CNTNAP4: variants seen among roughly 807,000 people sequenced by gnomAD.
CNTNAP4 encodes the protein contactin-associated protein-like 4.
In CNTNAP4, 98 loss-of-function variants were observed where a neutral mutation model predicts 148.4. The ratio of observed to expected loss-of-function variants is 0.66; its 90% CI spans 0.56 to 0.78. The LOEUF (loss-of-function observed/expected upper bound fraction) is 0.78. CNTNAP4 is among the 30% of genes least tolerant of loss of function. The pLI is 0.00. For missense variants in CNTNAP4, 1,935 were observed against 1,565.6 expected, an observed-to-expected ratio of 1.24 and a Z score of -3.98; for synonymous variants, 730 against 565.1, an observed-to-expected ratio of 1.29 and a Z score of -4.14.
intron 8 of CNTNAP4, among the ~76,000 whole-genome samples, chr16:76,459,244 T>C (rs8058474): frequency 0.43 from 65,068 of 151,994 alleles, 13,999 homozygotes; most frequent in Middle Eastern, 0.49. Context: ...AAGGAAGCAC[T>C]GGATGACAAA....
At chr16:76,434,756 A>C (rs77111717) in intron 4 of CNTNAP4, among the ~76,000 whole-genome samples, 3,848 of 152,286 alleles carry the variant, frequency 0.025, 152 homozygotes, top group African/African-American at 0.089. Flanking sequence ...CCAGCCAGGA[A>C]GCCAATGTGG....
chr16:76,449,041 T>A, intron 6 of CNTNAP4, 90 bp downstream of exon 6: 14 of 1,212,270 alleles, frequency 1.2e-5, no homozygotes, highest in Non-Finnish European at 1.6e-5. Flanking sequence ...AGAGCCCACC[T>A]TTTCAGTAAA....
intron 15 of CNTNAP4, among the ~76,000 whole-genome samples, chr16:76,512,486 C>G (rs2083067172): frequency 1.3e-5 from 2 of 152,046 alleles, no homozygotes; most frequent in Non-Finnish European, 1.5e-5. Context: ...AAAAATAACA[C>G]CAAGGTGTTT....
chr16:76,414,473 C>G (rs7499253), intron 3 of CNTNAP4, among the ~76,000 whole-genome samples: 15 of 150,704 alleles, frequency 1.0e-4, no homozygotes, highest in African/African-American at 3.2e-4. Flanking sequence ...TGGGTAAGAT[C>G]GACTTTTATT....
intron 21 of CNTNAP4, among the ~76,000 whole-genome samples, chr16:76,547,918 C>G (rs191243002): frequency 1.3e-5 from 2 of 152,186 alleles, no homozygotes; most frequent in East Asian, 3.9e-4. Context: ...GCTTCGAAGC[C>G]AAAGGGGTAA....
At chr16:76,546,744 GT>G (rs2084753137) in intron 21 of CNTNAP4, among the ~76,000 whole-genome samples, 1 of 152,178 alleles carries the variant, frequency 6.6e-6, no homozygotes, top group Non-Finnish European at 1.5e-5. Context: ...TGCCAAAAAG[GT>G]TGGGGACCAC....
intron 12 of CNTNAP4, among the ~76,000 whole-genome samples, chr16:76,483,766 C>A (rs1318578803): frequency 1.3e-5 from 2 of 152,130 alleles, no homozygotes; most frequent in Non-Finnish European, 2.9e-5. Flanking sequence ...TTGTTCAGCT[C>A]TAACGGGGTA....
At chr16:76,309,685 G>A (rs1960878909) in intron 1 of CNTNAP4, among the ~76,000 whole-genome samples, 1 of 152,194 alleles carries the variant, frequency 6.6e-6, no homozygotes, top group South Asian at 2.1e-4. Context: ...AACTTGAATT[G>A]TATCTCCCAG....
chr16:76,518,264 G>C (rs1276737307), intron 15 of CNTNAP4, among the ~76,000 whole-genome samples: 1 of 151,972 alleles, frequency 6.6e-6, no homozygotes, highest in East Asian at 1.9e-4. Context: ...AGTAGTGGGG[G>C]TTACAGGCAT....
chr16:76,460,417 C>G (rs2080896414), intron 8 of CNTNAP4, among the ~76,000 whole-genome samples: 1 of 150,920 alleles, frequency 6.6e-6, no homozygotes, highest in Non-Finnish European at 1.5e-5. Flanking sequence ...CCAAAAACTA[C>G]TATTTCTATG....
intron 3 of CNTNAP4, among the ~76,000 whole-genome samples, chr16:76,364,283 T>C (rs1360438789): frequency 5.0e-5 from 7 of 140,518 alleles, no homozygotes; most frequent in African/African-American, 7.8e-5. Context: ...ATATATGAAC[T>C]CTTATGAGCT....
chr16:76,476,078 T>C lies in CNTNAP4; in HGVS notation c.1762+33T>C, dbSNP rs536536763. ...GAACACATCTGCTTTTTCTTGCCCC[T>C]GTGATGGTTTCTTTGTCCCATTTCC... On this transcript the variant is annotated intron_variant, in intron 11 of 23. Coordinates refer to ENST00000611870, the MANE Select transcript of CNTNAP4 (RefSeq NM_033401.5). 30 of 1,447,948 alleles carry C rather than the reference T, an allele frequency of 2.1e-5. No homozygotes were observed. The South Asian group carries it at 3.3e-4, about 16-fold the overall frequency. The allele number at this position is 1,447,948 out of a possible 1,614,324, so 89.7% of individuals were successfully genotyped here. A position where few individuals can be genotyped will look rare whatever the true frequency, so the allele number is the denominator to read the frequency against.
At chr16:76,445,888 A>G (rs1204745058) in intron 4 of CNTNAP4, among the ~76,000 whole-genome samples, 2 of 152,100 alleles carry the variant, frequency 1.3e-5, no homozygotes, top group Non-Finnish European at 2.9e-5. Context: ...TCTTACTGGA[A>G]TTTTTCTTAA....
At chr16:76,407,247 C>G (rs187266524) in intron 3 of CNTNAP4, among the ~76,000 whole-genome samples, 1 of 152,006 alleles carries the variant, frequency 6.6e-6, no homozygotes, top group Non-Finnish European at 1.5e-5. Context: ...TGAAGCCTAC[C>G]GGGCTCAAAT....
At chr16:76,500,930 T>C (rs7350851) in intron 15 of CNTNAP4, among the ~76,000 whole-genome samples, 25,178 of 152,098 alleles carry the variant, frequency 0.17, 2,672 homozygotes, top group Admixed American at 0.3. Flanking sequence ...ATAGATGAAA[T>C]ATTTGTTTAC....
At chr16:76,489,990 G>A (rs907849355) in intron 13 of CNTNAP4, 107 bp downstream of exon 13, 5 of 596,626 alleles carry the variant, frequency 8.4e-6, no homozygotes, top group Non-Finnish European at 1.1e-5. Context: ...TAGCCACTGA[G>A]GGTATATGAT....
chr16:76,338,128 C>T (rs754590721), intron 2 of CNTNAP4, among the ~76,000 whole-genome samples: 13 of 152,078 alleles, frequency 8.5e-5, no homozygotes, highest in Admixed American at 5.2e-4. Flanking sequence ...ATAAGAGTAT[C>T]GATTGGGGAA....
intron 2 of CNTNAP4, among the ~76,000 whole-genome samples, chr16:76,348,298 T>G (rs1965080350): frequency 6.6e-6 from 1 of 151,924 alleles, no homozygotes; most frequent in South Asian, 2.1e-4. Flanking sequence ...AAATCAGTTT[T>G]GGAAATGTTA....
chr16:76,489,471 A>G (rs1258679577), intron 12 of CNTNAP4, among the ~76,000 whole-genome samples: 1 of 152,212 alleles, frequency 6.6e-6, no homozygotes, highest in Non-Finnish European at 1.5e-5. Context: ...ATTACTGTAA[A>G]TGCATGGCAA....
Sources: allele counts gnomAD v4.1 joint callset (sites outside exome capture counted in the v4.1 genomes callset), GRCh38; gene constraint gnomAD v4.1.1; transcripts MANE v1.5; gene names NCBI Gene and HGNC (gene_info 2026-07-23, HGNC 2026-07-21).